Variants in TSPAN15 observed in about 807,000 individuals in gnomAD.
TSPAN15 encodes tetraspanin 15.
In TSPAN15, 20 loss-of-function variants were observed where a neutral mutation model predicts 34.5. The ratio of observed to expected loss-of-function variants is 0.58; its 90% confidence interval spans 0.41 to 0.84. The LOEUF (loss-of-function observed/expected upper bound fraction) is 0.84. Ranked by LOEUF, TSPAN15 falls within the 40% of genes least tolerant of loss-of-function variation. The pLI is 0.00. For synonymous variants in TSPAN15, 155 were observed against 153.9 expected, an observed-to-expected ratio of 1.01 and a Z score of -0.05; for missense variants, 313 against 386.1, an observed-to-expected ratio of 0.81 and a Z score of 1.59.
chr10:69,498,199 C>T (rs1417059940), intron 4 of TSPAN15, 81 bp from the exon 5 acceptor site: 1 of 1,291,214 alleles, frequency 7.7e-7, no homozygotes, highest in Non-Finnish European at 1.1e-6. Flanking sequence ...CTGCCTCCGT[C>T]TCCTGACAGG....
chr10:69,499,912 G>A (rs1270735056), intron 5 of TSPAN15, among the ~76,000 whole-genome samples: 2 of 152,310 alleles, frequency 1.3e-5, no homozygotes, highest in Non-Finnish European at 2.9e-5. Context: ...AGGGAGCACA[G>A]CGGAGGATGG....
chr10:69,459,718 G>A (rs1413887895), intron 1 of TSPAN15, among the ~76,000 whole-genome samples: 1 of 152,136 alleles, frequency 6.6e-6, no homozygotes, highest in Non-Finnish European at 1.5e-5. Flanking sequence ...GTCAGGCCCT[G>A]TGGTCTTGCC....
In TSPAN15 at chr10:69,500,517, A is replaced by G. The variant is rs112273889; in HGVS notation, c.570+2121A>G. On this transcript the variant is annotated intron_variant, in intron 5 of 7. Transcript: ENST00000373290. ...GGGTGAGTCGGCAGGCTGGAGACCC[A>G]GGAGAGCTGAGGGTGGAGTTCCCAT... Among the ~76,000 whole-genome samples, 881 of 152,332 alleles carry G rather than the reference A, an allele frequency of 5.8e-3. 7 individuals carry two copies. Among genetic ancestry groups the G allele is most frequent in the African/African-American group, 0.02 (817 of 41,578 alleles).
chr10:69,542,189 C>A, the TSPAN15 span, among the ~76,000 whole-genome samples: 4 of 152,286 alleles, frequency 2.6e-5, no homozygotes, highest in South Asian at 8.3e-4. Flanking sequence ...TGCCACCAGT[C>A]TCTTTGCATA....
chr10:69,542,471 ATTAG>A, the TSPAN15 span, among the ~76,000 whole-genome samples: 1 of 152,172 alleles, frequency 6.6e-6, no homozygotes, highest in African/African-American at 2.4e-5. Context: ...AATTTACTGT[ATTAG>A]TTTGTTCTCA....
Position 69,507,109 on chromosome 10 carries a change from G to T in TSPAN15, c.*131G>T. On this transcript the variant is annotated 3_prime_UTR_variant, in exon 8 of 8. Transcript: ENST00000373290. ...ACTGACCAAAGCCAGGGCTGTGTGT[G>T]CCTGTGTGTAGGTCCCACGGCCTCT... The T allele has an allele frequency of 6.7e-7, 1 of 1,485,448 alleles. No individual in the cohort carries two copies. Among genetic ancestry groups the T allele is most frequent in the Non-Finnish European group, 8.9e-7 (1 of 1,120,728 alleles). 92.0% of individuals were successfully genotyped at this position (1,485,448 alleles called of 1,614,324 possible).
At chr10:69,517,039 T>G in the TSPAN15 span, among the ~76,000 whole-genome samples, 3 of 152,188 alleles carry the variant, frequency 2.0e-5, no homozygotes, top group African/African-American at 7.2e-5. Context: ...TGGCCAAACC[T>G]TTGTCCCTCT....
the TSPAN15 span, among the ~76,000 whole-genome samples, chr10:69,513,577 A>G: frequency 2.6e-5 from 4 of 152,112 alleles, no homozygotes; most frequent in Admixed American, 2.0e-4. Flanking sequence ...ATGAACTCCA[A>G]CTTATCAATG....
At chr10:69,472,468 G>A (rs1841527161) in intron 1 of TSPAN15, among the ~76,000 whole-genome samples, 1 of 152,160 alleles carries the variant, frequency 6.6e-6, no homozygotes, top group South Asian at 2.1e-4. Context: ...GTGCTGGTAT[G>A]TCTCTCACCA....
At chr10:69,494,256 C>T (rs749742955) in intron 3 of TSPAN15, among the ~76,000 whole-genome samples, 25 of 152,298 alleles carry the variant, frequency 1.6e-4, no homozygotes, top group African/African-American at 3.8e-4. Context: ...CGGTTTCCCA[C>T]GGGATTTGTT....
intron 3 of TSPAN15, among the ~76,000 whole-genome samples, chr10:69,489,921 T>C (rs2133125857): frequency 6.6e-6 from 1 of 152,336 alleles, no homozygotes; most frequent in East Asian, 1.9e-4. Context: ...CCTGCTTTTG[T>C]CCCAGCTTGT....
chr10:69,491,620 C>T (rs561098421), intron 3 of TSPAN15, among the ~76,000 whole-genome samples: 5 of 152,330 alleles, frequency 3.3e-5, no homozygotes, highest in African/African-American at 1.2e-4. Flanking sequence ...GCCTTGGCAT[C>T]CCAAAGTACT....
the TSPAN15 span, among the ~76,000 whole-genome samples, chr10:69,516,867 A>T: frequency 6.6e-6 from 1 of 152,048 alleles, no homozygotes; most frequent in East Asian, 1.9e-4. Flanking sequence ...GGTGCCTGGG[A>T]CATAAGGGGT....
At chr10:69,525,953 A>C in the TSPAN15 span, among the ~76,000 whole-genome samples, 1 of 147,656 alleles carries the variant, frequency 6.8e-6, no homozygotes. Context: ...ACAAGACACT[A>C]TAGGGAATTT....
At chr10:69,519,682 G>T in the TSPAN15 span, among the ~76,000 whole-genome samples, 4 of 152,028 alleles carry the variant, frequency 2.6e-5, no homozygotes, top group Admixed American at 6.5e-5. Context: ...CTACTTTTTG[G>T]TGAATTTTTT....
At chr10:69,535,398 A>C in the TSPAN15 span, among the ~76,000 whole-genome samples, 1 of 152,242 alleles carries the variant, frequency 6.6e-6, no homozygotes, top group African/African-American at 2.4e-5. Context: ...TCAAATGCTT[A>C]ACCCATGAGT....
At chr10:69,539,530 AAGAAGAAGGAGAAGGAGAAGG>A in the TSPAN15 span, among the ~76,000 whole-genome samples, 1 of 102,582 alleles carries the variant, frequency 9.7e-6, no homozygotes, top group Non-Finnish European at 2.1e-5. Context: ...GAAGAAGAAG[AAGAAGAAGGAGAAGGAGAAGG>A]AGAAGGAGAA....
At chr10:69,491,954 G>A (rs556757253) in intron 3 of TSPAN15, among the ~76,000 whole-genome samples, 3 of 152,320 alleles carry the variant, frequency 2.0e-5, no homozygotes, top group South Asian at 4.1e-4. Flanking sequence ...CCCTGAGAGA[G>A]GGGTGATGTG....
chr10:69,469,745 T>A (rs1373163110), intron 1 of TSPAN15, among the ~76,000 whole-genome samples: 1 of 152,210 alleles, frequency 6.6e-6, no homozygotes, highest in Non-Finnish European at 1.5e-5. Context: ...GATTTTGCCA[T>A]GTTGCCTAGG....
Sources: allele counts gnomAD v4.1 joint callset (sites outside exome capture counted in the v4.1 genomes callset), GRCh38; gene constraint gnomAD v4.1.1; transcripts MANE v1.5; gene names NCBI Gene and HGNC (gene_info 2026-07-23, HGNC 2026-07-21).